Variants in LEPR observed in about 807,000 individuals in gnomAD.
LEPR encodes the protein leptin receptor.
Under a neutral mutation model 114.7 loss-of-function variants are expected in LEPR, and 56 were observed. The observed-to-expected ratio is 0.49, with a 90% CI of 0.39 to 0.61. The LOEUF (loss-of-function observed/expected upper bound fraction) is 0.61. Ranked by LOEUF, LEPR falls within the 20% of genes least tolerant of loss-of-function variation. The pLI is 0.00. For missense variants in LEPR, 1,202 were observed against 1,352.9 expected, an observed-to-expected ratio of 0.89 and a Z score of 1.75; for synonymous variants, 443 against 461.4, an observed-to-expected ratio of 0.96 and a Z score of 0.51.
intron 4 of LEPR, among the ~76,000 whole-genome samples, chr1:65,572,003 A>C (rs1404565764): frequency 2.7e-5 from 4 of 150,612 alleles, no homozygotes; most frequent in African/African-American, 9.7e-5. Flanking sequence ...AAGAAAAAGA[A>C]AAGTGAGAAC....
chr1:65,623,598 C>CT (rs1490432414), intron 19 of LEPR, among the ~76,000 whole-genome samples: 1 of 152,072 alleles, frequency 6.6e-6, no homozygotes, highest in Admixed American at 6.5e-5. Context: ...TCCCTTGAAG[C>CT]AAAGCTAGCT....
At chr1:65,426,098 A>C (rs1478184812) in intron 2 of LEPR, among the ~76,000 whole-genome samples, 3 of 135,442 alleles carry the variant, frequency 2.2e-5, no homozygotes, top group African/African-American at 1.1e-4. Flanking sequence ...GAAGCTGGGA[A>C]GACAGTGGTC....
At chr1:65,420,862 C>G (rs1646232542) in intron 1 of LEPR, 122 bp downstream of exon 1, 1 of 1,261,604 alleles carries the variant, frequency 7.9e-7, no homozygotes, top group African/African-American at 1.5e-5. Context: ...TCCCGCCTCT[C>G]CGGTTCGGGA....
chr1:65,501,361 G>A (rs1048841468), intron 2 of LEPR, among the ~76,000 whole-genome samples: 1 of 151,684 alleles, frequency 6.6e-6, no homozygotes, highest in Non-Finnish European at 1.5e-5. Flanking sequence ...TTCTGTGGCA[G>A]CATAACTCTA....
rs763024512 is a variant in LEPR, at chr1:65,518,873, T to TTCTTTTTCTTTCTTTC, written c.-20-46672_-20-46671insCTTTTTCTTTCTTTCT. On this transcript the variant is annotated intron_variant, in intron 2 of 19. Coordinates refer to ENST00000349533, the MANE Select transcript of LEPR (RefSeq NM_002303.6). Reference sequence around the variant, plus strand: ...TTTTCTCTTTTCTTTCTTTCTTTCTTTTTCTTTCTTTCTTTCTTTCTTTCT... The same window carrying TTCTTTTTCTTTCTTTC: ...TTTTCTCTTTTCTTTCTTTCTTTCTTTCTTTTTCTTTCTTTCTTTCTTTCTTTCTTTCTTTCTTTCT... Among the ~76,000 whole-genome samples the TTCTTTTTCTTTCTTTC allele has an allele frequency of 6.0e-5, 7 of 117,318 alleles. No homozygotes were observed. In the South Asian group the frequency reaches 9.0e-4, roughly 15 times the overall value. 77.0% of individuals were successfully genotyped at this position (117,318 alleles called of 152,430 possible).
At chr1:65,591,455 TC>T (rs1163391436) in intron 5 of LEPR, among the ~76,000 whole-genome samples, 14 of 152,086 alleles carry the variant, frequency 9.2e-5, no homozygotes, top group African/African-American at 3.1e-4. Context: ...TTAGTCTATT[TC>T]TCCTTAAGGT....
intron 2 of LEPR, among the ~76,000 whole-genome samples, chr1:65,517,478 A>G (rs1649349017): frequency 6.6e-6 from 1 of 152,212 alleles, no homozygotes; most frequent in African/African-American, 2.4e-5. Context: ...TCACCAACGG[A>G]GAACAAATGT....
At chr1:65,581,643 CA>C (rs1001494220) in intron 5 of LEPR, among the ~76,000 whole-genome samples, 10 of 152,240 alleles carry the variant, frequency 6.6e-5, no homozygotes, top group African/African-American at 2.4e-4. Context: ...GATCTTTGCT[CA>C]GAAGGCATTT....
chr1:65,549,600 C>G (rs377322142), intron 2 of LEPR, among the ~76,000 whole-genome samples: 2 of 152,136 alleles, frequency 1.3e-5, no homozygotes, highest in African/African-American at 4.8e-5. Flanking sequence ...TCCAGTTGAT[C>G]GCATTGGCTC....
chr1:65,484,556 T>C (rs565294160), intron 2 of LEPR, among the ~76,000 whole-genome samples: 1 of 152,296 alleles, frequency 6.6e-6, no homozygotes, highest in African/African-American at 2.4e-5. Context: ...CTTTTAACAC[T>C]GAGACTTGTC....
chr1:65,434,098 C>T (rs2100243376), intron 2 of LEPR: 1 of 984,878 alleles, frequency 1.0e-6, no homozygotes, highest in African/African-American at 1.7e-5. Flanking sequence ...AGCATTACCT[C>T]TTGATTGTAT....
chr1:65,469,395 T>C (rs1345321516), intron 2 of LEPR, among the ~76,000 whole-genome samples: 2 of 152,180 alleles, frequency 1.3e-5, no homozygotes, highest in East Asian at 3.8e-4. Flanking sequence ...GACTGGATGA[T>C]TTGAGTAAAG....
At chr1:65,523,073 GTAAATTCTA>G (rs1472227086) in intron 2 of LEPR, among the ~76,000 whole-genome samples, 1 of 152,124 alleles carries the variant, frequency 6.6e-6, no homozygotes, top group Non-Finnish European at 1.5e-5. Flanking sequence ...AGCCTAGAAT[GTAAATTCTA>G]TAAGGACCTT....
intron 2 of LEPR, among the ~76,000 whole-genome samples, chr1:65,459,019 T>C (rs1236129619): frequency 6.6e-6 from 1 of 152,248 alleles, no homozygotes. Context: ...ACATAATCTA[T>C]AGGTGAAAGG....
At chr1:65,549,813 C>G (rs760949668) in intron 2 of LEPR, among the ~76,000 whole-genome samples, 9 of 152,302 alleles carry the variant, frequency 5.9e-5, no homozygotes, top group East Asian at 1.9e-4. Context: ...TCTCTCACCT[C>G]GTCAAAGTCA....
At position 65,483,387 on chromosome 1, in the gene LEPR, A is replaced by G. The variant is rs566078705; in HGVS notation, c.-21+58009A>G. ...TCAGATTGGAAAAATACAACCTGATATTACAAAAAACTGTTGATGTAGGAC... is the reference window on the plus strand; with the variant it reads ...TCAGATTGGAAAAATACAACCTGATGTTACAAAAAACTGTTGATGTAGGAC... On this transcript the variant is annotated intron_variant, in intron 2 of 19. Coordinates refer to ENST00000349533, the MANE Select transcript of LEPR (RefSeq NM_002303.6). Among the ~76,000 whole-genome samples, 164 of 152,308 alleles carry G rather than the reference A, an allele frequency of 1.1e-3. 1 individual carries two copies. The highest frequency in any genetic ancestry group is 0.01 in the Middle Eastern group (3 of 294).
intron 2 of LEPR, among the ~76,000 whole-genome samples, chr1:65,544,324 G>C (rs1318911914): frequency 6.6e-6 from 1 of 152,008 alleles, no homozygotes; most frequent in South Asian, 2.1e-4. Flanking sequence ...TTGCTTATCA[G>C]CTTAAGGAGA....
chr1:65,612,895 CGTCTGGCTGAGGTAGTGTT>C lies in LEPR; in HGVS notation c.1995+2627_1995+2645del, dbSNP rs373875999. On this transcript the variant is annotated intron_variant, in intron 14 of 19. Coordinates refer to ENST00000349533, the MANE Select transcript of LEPR (RefSeq NM_002303.6). ...TACCATAGTTGATGTTAACCTTGCT[CGTCTGGCTGAGGTAGTGTT>C]GTCTGGCTGAGGTAGTGTTGTCTGG... Among the ~76,000 whole-genome samples the C allele has an allele frequency of 3.2e-3, 487 of 152,240 alleles. 2 individuals are homozygous for C. The highest frequency in any genetic ancestry group is 0.011 in the African/African-American group (461 of 41,532).
At position 65,617,964 on chromosome 1, in the gene LEPR, T is replaced by C; in HGVS notation, c.2213T>C (p.Val738Ala). The C allele has an allele frequency of 6.2e-7, 1 of 1,606,700 alleles. No individual in the cohort carries two copies. Residue 738 changes from valine to alanine, a missense_variant and splice_region_variant, in exon 16 of 20, where the codon GTA (valine) becomes GCA (alanine). By Grantham distance (64) the Val-to-Ala change is moderately conservative. Transcript: ENST00000349533. ...ATTAATTTCCTTCTTTTCCCCTCAG[T>C]AAATATCGTGCAGTCACTCAGTGCT... ...NLTFSWPMSK[V>A]NIVQSLSAYP...
Sources: allele counts gnomAD v4.1 joint callset (sites outside exome capture counted in the v4.1 genomes callset), GRCh38; gene constraint gnomAD v4.1.1; transcripts MANE v1.5; gene names NCBI Gene and HGNC (gene_info 2026-07-23, HGNC 2026-07-21).